PHACTR3: variants seen among roughly 807,000 people sequenced by gnomAD.
PHACTR3 encodes phosphatase and actin regulator 3, also known as protein phosphatase 1, regulatory subunit 123.
Under a neutral mutation model 66.8 loss-of-function variants are expected in PHACTR3, and 16 were observed. That is an observed-to-expected ratio of 0.24 (90% CI 0.16 to 0.36). The LOEUF (loss-of-function observed/expected upper bound fraction) is 0.36, where lower values mean the gene tolerates loss of function less well. Among genes scored for constraint, PHACTR3 ranks in the 10% least tolerant of loss-of-function variants. The pLI, the probability that PHACTR3 is intolerant of heterozygous loss-of-function variation, is 1.00. For synonymous variants in PHACTR3, 323 were observed against 292.1 expected, an observed-to-expected ratio of 1.11 and a Z score of -1.08; for missense variants, 647 against 719.9, an observed-to-expected ratio of 0.90 and a Z score of 1.16.
rs185979829 is a variant in PHACTR3 at position 59,694,057 on chromosome 20, G to A, written c.119-49050G>A. ...AGAAATGTGGCCGTTTTTGCAATTT[G>A]CCTCACTGACCACATAGAGGGTGAC... is the stretch of plus-strand genomic sequence containing the variant. On this transcript the variant is annotated intron_variant, in intron 1 of 12. Transcript: ENST00000371015. Among the ~76,000 whole-genome samples the A allele has an allele frequency of 4.6e-5, 7 of 152,238 alleles. No homozygotes were observed. In the East Asian group the frequency reaches 1.4e-3, roughly 29 times the overall value.
At chr20:59,722,270 CT>C in intron 1 of PHACTR3, among the ~76,000 whole-genome samples, 1 of 143,394 alleles carries the variant, frequency 7.0e-6, no homozygotes, top group South Asian at 2.5e-4. Flanking sequence ...TCAGATTGAA[CT>C]GAGGAAGGTA....
chr20:59,676,037 T>C (rs73303123), intron 1 of PHACTR3, among the ~76,000 whole-genome samples: 2,577 of 152,324 alleles, frequency 0.017, 53 homozygotes, highest in Middle Eastern at 0.068. Context: ...TCTTGCCTCC[T>C]GAGGTCCCTT....
chr20:59,812,557 A>G (rs1248762350), intron 8 of PHACTR3, among the ~76,000 whole-genome samples: 1 of 152,234 alleles, frequency 6.6e-6, no homozygotes, highest in East Asian at 1.9e-4. Flanking sequence ...ATGTGGAGAC[A>G]GACAGTGTCC....
intron 7 of PHACTR3, among the ~76,000 whole-genome samples, chr20:59,783,534 A>G (rs1171025200): frequency 6.7e-6 from 1 of 149,488 alleles, no homozygotes; most frequent in African/African-American, 2.5e-5. Context: ...TGACAAGGTG[A>G]TAAGACAGCT....
intron 1 of PHACTR3, among the ~76,000 whole-genome samples, chr20:59,581,400 A>C (rs1458222298): frequency 6.6e-6 from 1 of 152,164 alleles, no homozygotes; most frequent in African/African-American, 2.4e-5. Flanking sequence ...CCCCACAGCC[A>C]GTGGCCCCTC....
chr20:59,660,040 G>A (rs533426124), intron 1 of PHACTR3, among the ~76,000 whole-genome samples: 6 of 152,068 alleles, frequency 3.9e-5, no homozygotes, highest in South Asian at 4.1e-4. Flanking sequence ...TTGAATGTCC[G>A]GAGTTCCCAG....
chr20:59,699,642 T>A (rs1353217563), intron 1 of PHACTR3, among the ~76,000 whole-genome samples: 2 of 152,170 alleles, frequency 1.3e-5, no homozygotes, highest in Non-Finnish European at 2.9e-5. Flanking sequence ...TGAATACTCT[T>A]ATCATCATCA....
At chr20:59,610,706 G>A (rs774470271) in intron 1 of PHACTR3, among the ~76,000 whole-genome samples, 1 of 152,232 alleles carries the variant, frequency 6.6e-6, no homozygotes, top group African/African-American at 2.4e-5. Context: ...TTTGTTGGAC[G>A]GTGCTGCTTG....
intron 1 of PHACTR3, among the ~76,000 whole-genome samples, chr20:59,734,172 G>T (rs1465092451): frequency 6.6e-6 from 1 of 152,168 alleles, no homozygotes; most frequent in Admixed American, 6.5e-5. Context: ...CAGCCTAAGG[G>T]TCCTCAAGTT....
chr20:59,605,856 G>C (rs1313137313), intron 1 of PHACTR3, among the ~76,000 whole-genome samples: 3 of 99,186 alleles, frequency 3.0e-5, no homozygotes, highest in Non-Finnish European at 4.2e-5. Flanking sequence ...CGGGGGGGGA[G>C]GTGGGGGGGG....
At chr20:59,835,812 G>A (rs775834865) in intron 8 of PHACTR3, 1 of 152,210 alleles carries the variant, frequency 6.6e-6, no homozygotes, top group Admixed American at 6.5e-5. Flanking sequence ...TGGTGGGAGG[G>A]GAATGCGTGT....
chr20:59,661,880 C>T (rs966103704), intron 1 of PHACTR3, among the ~76,000 whole-genome samples: 25 of 152,060 alleles, frequency 1.6e-4, no homozygotes, highest in African/African-American at 6.0e-4. Context: ...CTTCTCTTGT[C>T]CACAGGGTGA....
At chr20:59,601,518 G>C (rs1175882296), upstream of PHACTR3, among the ~76,000 whole-genome samples, 1 of 152,204 alleles carries the variant, frequency 6.6e-6, no homozygotes, top group East Asian at 1.9e-4. Flanking sequence ...ACAAAAACCT[G>C]TTGTGGGCCC....
At chr20:59,838,615 A>G (rs943546982) in intron 9 of PHACTR3, among the ~76,000 whole-genome samples, 1 of 152,216 alleles carries the variant, frequency 6.6e-6, no homozygotes, top group Admixed American at 6.5e-5. Flanking sequence ...ATAAATGAAT[A>G]TTGGGAAAAG....
intron 4 of PHACTR3, among the ~76,000 whole-genome samples, chr20:59,757,263 G>T (rs577121490): frequency 6.6e-6 from 1 of 152,164 alleles, no homozygotes; most frequent in Non-Finnish European, 1.5e-5. Context: ...CTCAGCTCAG[G>T]GCCTGTGCCT....
chr20:59,663,753 G>A (rs1176907325), intron 1 of PHACTR3, among the ~76,000 whole-genome samples: 1 of 152,164 alleles, frequency 6.6e-6, no homozygotes, highest in South Asian at 2.1e-4. Context: ...CCTTGAGGAG[G>A]GTTCTGGGCT....
At chr20:59,620,850 T>G (rs1440397583) in intron 1 of PHACTR3, among the ~76,000 whole-genome samples, 1 of 152,158 alleles carries the variant, frequency 6.6e-6, no homozygotes, top group Non-Finnish European at 1.5e-5. Context: ...TTTCCGTCAT[T>G]TCTCTTAAAT....
chr20:59,760,780 A>AC (rs2039971038), intron 4 of PHACTR3, among the ~76,000 whole-genome samples: 1 of 152,144 alleles, frequency 6.6e-6, no homozygotes, highest in Admixed American at 6.5e-5. Flanking sequence ...ACAAATGGGA[A>AC]CAGGGTCCTC....
chr20:59,643,139 A>C (rs980056411), intron 1 of PHACTR3, among the ~76,000 whole-genome samples: 1 of 152,082 alleles, frequency 6.6e-6, no homozygotes, highest in African/African-American at 2.4e-5. Context: ...TCTCGATCTC[A>C]TGACCTTGTG....
Sources: allele counts gnomAD v4.1 joint callset (sites outside exome capture counted in the v4.1 genomes callset), GRCh38; gene constraint gnomAD v4.1.1; transcripts MANE v1.5; gene names NCBI Gene and HGNC (gene_info 2026-07-23, HGNC 2026-07-21).